MBP: variants seen among roughly 807,000 people sequenced by gnomAD.
The protein encoded by MBP is Golli-MBP.
MBP carries 16 observed loss-of-function variants against 35.8 expected under a neutral mutation model. That is an observed-to-expected ratio of 0.45 (90% CI 0.30 to 0.68). The LOEUF is 0.68. MBP is among the 30% of genes least tolerant of loss of function. The pLI is 0.08. For missense variants in MBP, 380 were observed against 404.7 expected (o/e 0.94, Z 0.52); for synonymous variants, 143 against 159.6 (o/e 0.90, Z 0.78).
chr18:77,094,228 C>T (rs530561470), intron 2 of MBP, among the ~76,000 whole-genome samples: 2 of 152,358 alleles, frequency 1.3e-5, no homozygotes, highest in South Asian at 4.1e-4. Flanking sequence ...CCTGCCTTGG[C>T]CTCCCAAAGT....
intron 3 of MBP, among the ~76,000 whole-genome samples, chr18:77,046,530 C>T (rs994089605): frequency 6.6e-6 from 1 of 152,240 alleles, no homozygotes; most frequent in Non-Finnish European, 1.5e-5. Flanking sequence ...GCCTCCTCAA[C>T]CACTGCCTCC....
At chr18:77,000,138 T>C (rs1002733832) in intron 4 of MBP, among the ~76,000 whole-genome samples, 1 of 152,210 alleles carries the variant, frequency 6.6e-6, no homozygotes, top group Non-Finnish European at 1.5e-5. Flanking sequence ...AAAGACCTGA[T>C]TTTTAAAAAC....
At chr18:77,018,465 T>TCATC (rs149443923) in intron 3 of MBP, among the ~76,000 whole-genome samples, 6,864 of 134,376 alleles carry the variant, frequency 0.051, 634 homozygotes, top group African/African-American at 0.19. Context: ...CATCCATTCG[T>TCATC]CATCCATCCA....
Position 77,102,025 on chromosome 18 carries a change from A to G in MBP, c.51+3186T>C, listed in dbSNP as rs1208659349. 2.0e-5 allele frequency among the ~76,000 whole-genome samples: 3 copies of G among 152,188 alleles called. No individual in the cohort carries two copies. Among genetic ancestry groups the G allele is most frequent in the Non-Finnish European group, 4.4e-5 (3 of 68,028 alleles). ...GAGAGGAAAGTTCCCTCCTTGATAT[A>G]GGAGGGGAAGAAGTCGGATGATAAA... On this transcript the variant is annotated intron_variant, in intron 2 of 8. Coordinates refer to ENST00000355994, the MANE Select transcript of MBP (RefSeq NM_001025101.2). This position sits in a 1 kb window ranked among gnomAD's most constrained non-coding sequence, Gnocchi z 4.4.
chr18:77,121,368 T>G (rs572476077), intron 1 of MBP, among the ~76,000 whole-genome samples: 1 of 152,330 alleles, frequency 6.6e-6, no homozygotes, highest in South Asian at 2.1e-4. Context: ...TACGTGTTAT[T>G]TTGGTGTTGC....
At position 77,028,623 on chromosome 18, in the gene MBP, ACCC is replaced by A. The variant is rs1243190728; in HGVS notation, c.140-11358_140-11356del. Among the ~76,000 whole-genome samples, 4 of 42,878 alleles carry A rather than the reference ACCC, an allele frequency of 9.3e-5. No individual in the cohort carries two copies. The East Asian group carries it at 2.0e-3, about 22-fold the overall frequency. 28.1% of individuals were successfully genotyped at this position (42,878 alleles called of 152,430 possible). On this transcript the variant is annotated intron_variant, in intron 3 of 8. Transcript: ENST00000355994. Reference sequence around the variant, plus strand: ...GGGCGGCTGGCCGGGCGGGGGGCTGACCCCCCCCCACCTCCCTCCCGGACGGGG... The same window carrying A: ...GGGCGGCTGGCCGGGCGGGGGGCTGACCCCCCACCTCCCTCCCGGACGGGG...
intron 2 of MBP, among the ~76,000 whole-genome samples, chr18:77,073,643 ACT>A (rs1974537984): frequency 6.6e-6 from 1 of 151,710 alleles, no homozygotes; most frequent in Non-Finnish European, 1.5e-5. Context: ...GCAGATAGAC[ACT>A]CTCTCTATCT....
At chr18:76,993,946 T>C (rs974815789) in intron 4 of MBP, among the ~76,000 whole-genome samples, 2 of 152,244 alleles carry the variant, frequency 1.3e-5, no homozygotes, top group African/African-American at 2.4e-5. Context: ...CAACTCATTC[T>C]GTCTATGAAT....
chr18:77,056,118 C>T (rs964468236), intron 3 of MBP, among the ~76,000 whole-genome samples: 2 of 151,912 alleles, frequency 1.3e-5, no homozygotes, highest in African/African-American at 4.8e-5. Flanking sequence ...AGTGCATTTC[C>T]TGTTATCCGT....
intron 2 of MBP, among the ~76,000 whole-genome samples, chr18:77,082,119 TG>T (rs1341137385): frequency 1.3e-5 from 2 of 152,116 alleles, no homozygotes; most frequent in Admixed American, 6.5e-5. Flanking sequence ...CCCAAAGTGC[TG>T]GGATTACAGG....
At chr18:77,058,307 C>T (rs12969037) in intron 3 of MBP, among the ~76,000 whole-genome samples, 2 of 152,208 alleles carry the variant, frequency 1.3e-5, no homozygotes, top group Admixed American at 1.3e-4. Flanking sequence ...GCTCTGGCTT[C>T]GACTCTCAGG....
intron 3 of MBP, among the ~76,000 whole-genome samples, chr18:77,065,001 T>C (rs527924365): frequency 6.6e-6 from 1 of 152,296 alleles, no homozygotes; most frequent in African/African-American, 2.4e-5. Context: ...CCCTGTGGTC[T>C]TGGGCAAGTC....
intron 1 of MBP, among the ~76,000 whole-genome samples, chr18:77,106,752 A>G (rs1354095029): frequency 6.6e-6 from 1 of 152,196 alleles, no homozygotes; most frequent in Non-Finnish European, 1.5e-5. Flanking sequence ...TGAGAGTGAA[A>G]AAAGCAATAA....
intron 8 of MBP, chr18:76,981,570 T>C (rs2123039636): frequency 6.6e-6 from 1 of 152,204 alleles, no homozygotes; most frequent in Non-Finnish European, 1.5e-5. Flanking sequence ...CACAACTCAC[T>C]CAAGGGATTT....
chr18:77,029,355 G>C (rs112986773), intron 3 of MBP, among the ~76,000 whole-genome samples: 5 of 136,508 alleles, frequency 3.7e-5, no homozygotes, highest in African/African-American at 1.3e-4. Context: ...AGCCGAGATG[G>C]CAGCAGTACA....
At chr18:77,036,703 G>C (rs3897649) in intron 3 of MBP, among the ~76,000 whole-genome samples, 4 of 145,728 alleles carry the variant, frequency 2.7e-5, no homozygotes. Context: ...GCAAGTGCTG[G>C]TCACATTTTG....
At position 77,051,650 on chromosome 18, in the gene MBP, A is replaced by G. The variant is rs138554906; in HGVS notation, c.139+14648T>C. ...TGAGGGTTCTTCCACATGTGGAAGG[A>G]GAGCTTAGGAATAATAATTAGTAAC... On this transcript the variant is annotated intron_variant, in intron 3 of 8. Transcript: ENST00000355994. 2.3e-3 allele frequency among the ~76,000 whole-genome samples: 345 copies of G among 152,290 alleles called. 2 individuals are homozygous for G. The highest frequency in any genetic ancestry group is 8.0e-3 in the African/African-American group (333 of 41,546).
chr18:77,052,710 C>T (rs1163723789), intron 3 of MBP, among the ~76,000 whole-genome samples: 2 of 152,198 alleles, frequency 1.3e-5, no homozygotes, highest in African/African-American at 4.8e-5. Flanking sequence ...CACACGCTCA[C>T]CTGGAATAAT....
At chr18:77,043,953 C>T (rs1230198834) in intron 3 of MBP, among the ~76,000 whole-genome samples, 1 of 152,122 alleles carries the variant, frequency 6.6e-6, no homozygotes. Flanking sequence ...CCAGACTCCC[C>T]GCACCCCTGC....
Sources: allele counts gnomAD v4.1 joint callset (sites outside exome capture counted in the v4.1 genomes callset), GRCh38; gene constraint gnomAD v4.1.1; non-coding constraint Gnocchi (gnomAD v3.1); transcripts MANE v1.5; gene names NCBI Gene and HGNC (gene_info 2026-07-23, HGNC 2026-07-21).